Variants in OTULINL observed in about 807,000 individuals in gnomAD.
The protein encoded by OTULINL is OTU deubiquitinase with linear linkage specificity like.
In OTULINL, 42 loss-of-function variants were observed where a neutral mutation model predicts 43.9. The ratio of observed to expected loss-of-function variants is 0.96; its 90% CI spans 0.75 to 1.24. The LOEUF is 1.24. Among genes scored for constraint, OTULINL ranks in the 50% most tolerant of loss-of-function variants. The pLI, the probability that OTULINL is intolerant of heterozygous loss-of-function variation, is 0.00. For missense variants in OTULINL, 411 were observed against 426.4 expected (o/e 0.96, Z 0.32); for synonymous variants, 172 against 153.6 (o/e 1.12, Z -0.88).
chr5:14,602,295 C>G lies in OTULINL; in HGVS notation c.461C>G (p.Ser154Cys), dbSNP rs1759402271. 1 of 1,613,938 alleles carries G rather than the reference C, an allele frequency of 6.2e-7. No individual in the cohort carries two copies. The highest frequency in any genetic ancestry group is 2.2e-5 in the East Asian group (1 of 44,878). ...VLFQIFSQGI[S>C]FPSWMKEKDI... ...TTTCAGATATTCAGCCAGGGCATCTCTTTTCCATCATGGATGAAAGAAAAG... is the reference window on the plus strand; with the variant it reads ...TTTCAGATATTCAGCCAGGGCATCTGTTTTCCATCATGGATGAAAGAAAAG... The change falls in exon 5 of 8, where the codon TCT becomes TGT. Residue 154 changes from serine (S) to cysteine (C), a missense_variant. Physicochemically the swap from Ser to Cys is moderately radical, Grantham distance 112. Coordinates refer to ENST00000274217, the MANE Select transcript of OTULINL (RefSeq NM_019018.3).
At chr5:14,597,172 G>A (rs549828287) in intron 1 of OTULINL, among the ~76,000 whole-genome samples, 5 of 152,228 alleles carry the variant, frequency 3.3e-5, no homozygotes, top group African/African-American at 7.2e-5. Flanking sequence ...ACAATAATTC[G>A]TGTTTATTGG....
chr5:14,582,841 C>T (rs902375925), intron 1 of OTULINL, among the ~76,000 whole-genome samples: 7 of 136,742 alleles, frequency 5.1e-5, no homozygotes, highest in Non-Finnish European at 9.6e-5. Flanking sequence ...AAAAAAAAAT[C>T]ACCCGACAAG....
At chr5:14,586,517 C>G (rs1759103613) in intron 1 of OTULINL, among the ~76,000 whole-genome samples, 1 of 152,184 alleles carries the variant, frequency 6.6e-6, no homozygotes, top group African/African-American at 2.4e-5. Flanking sequence ...AAATGCTATG[C>G]TTGATGAATC....
At chr5:14,597,524 G>C (rs1759308074) in intron 1 of OTULINL, among the ~76,000 whole-genome samples, 2 of 152,236 alleles carry the variant, frequency 1.3e-5, no homozygotes, top group South Asian at 2.1e-4. Context: ...ATTAATTCCT[G>C]TAGAACACTT....
At chr5:14,607,550 A>ATG in intron 6 of OTULINL, 92 bp downstream of exon 6, 1 of 1,490,786 alleles carries the variant, frequency 6.7e-7, no homozygotes, top group Non-Finnish European at 9.1e-7. Context: ...ACATTGCTTC[A>ATG]TGTTAGGAAA....
At chr5:14,609,980 G>A (rs1163639877) in intron 7 of OTULINL, among the ~76,000 whole-genome samples, 161 bp from the exon 8 acceptor site, 1 of 152,094 alleles carries the variant, frequency 6.6e-6, no homozygotes, top group African/African-American at 2.4e-5. Flanking sequence ...TCCACACAAT[G>A]AGCATTTGTT....
intron 5 of OTULINL, among the ~76,000 whole-genome samples, chr5:14,604,778 C>G (rs1330354184): frequency 3.3e-5 from 5 of 152,236 alleles, no homozygotes; most frequent in Non-Finnish European, 7.3e-5. Flanking sequence ...TCGATTCTGT[C>G]TCATATCCAG....
intron 1 of OTULINL, among the ~76,000 whole-genome samples, chr5:14,590,729 G>A (rs1171610756): frequency 6.6e-6 from 1 of 152,194 alleles, no homozygotes; most frequent in Admixed American, 6.5e-5. Flanking sequence ...GCCACTGACT[G>A]TCACTACTAT....
chr5:14,597,118 GT>G (rs1759300794), intron 1 of OTULINL, among the ~76,000 whole-genome samples: 1 of 152,072 alleles, frequency 6.6e-6, no homozygotes, highest in South Asian at 2.1e-4. Context: ...CCCCCTCAAA[GT>G]TTTCTCTGCA....
In OTULINL at chr5:14,613,302, T is replaced by C. The variant is rs566787752; in HGVS notation, c.*2988T>C. Among the ~76,000 whole-genome samples the C allele has an allele frequency of 1.3e-5, 2 of 152,310 alleles. No homozygotes were observed. The highest frequency in any genetic ancestry group is 4.1e-4 in the South Asian group (2 of 4,832). ...TCACCACCATCCACCCTCAGAACTT[T>C]TTAAAATCTCCAAGACTGACTTTTT... On this transcript the variant is annotated 3_prime_UTR_variant, in exon 8 of 8. Transcript: ENST00000274217.
chr5:14,602,185 T>G lies in OTULINL; in HGVS notation c.351T>G (p.Ala117=), dbSNP rs1759399970. 2 of 1,599,674 alleles carry G rather than the reference T, an allele frequency of 1.3e-6. No homozygotes were observed. Among genetic ancestry groups the G allele is most frequent in the Non-Finnish European group, 1.7e-6 (2 of 1,173,772 alleles). The part of the protein sequence containing the change: ...ETPRNKLMRK[A]YEELFWRHHI... ...ACTTTCTCTTTTTATTTTATTAGGC[T>G]TATGAGGAGCTATTTTGGCGGCATC... is the stretch of plus-strand genomic sequence containing the variant. The change falls in exon 5 of 8, where the codon GCT becomes GCG. Residue 117 remains alanine (A), a splice_region_variant and synonymous_variant. Coordinates refer to ENST00000274217, the MANE Select transcript of OTULINL (RefSeq NM_019018.3).
chr5:14,584,989 A>C (rs1425519336), intron 1 of OTULINL, among the ~76,000 whole-genome samples: 1 of 152,194 alleles, frequency 6.6e-6, no homozygotes, highest in Non-Finnish European at 1.5e-5. Flanking sequence ...TTAATAACCC[A>C]GTGATTGGTC....
rs2126781164 is a variant in OTULINL, at chr5:14,602,264, G to T, written c.430G>T (p.Val144Leu). 6.2e-7 allele frequency: 1 copy of T among 1,613,444 alleles called. No homozygotes were observed. Among genetic ancestry groups the T allele is most frequent in the Non-Finnish European group, 8.5e-7 (1 of 1,179,470 alleles). Residue 144 changes from valine (V) to leucine (L), a missense_variant, in exon 5 of 8, where the codon GTG becomes TTG. Physicochemically the swap from Val to Leu is conservative, Grantham distance 32 (BLOSUM62 1). Transcript: ENST00000274217. Reference protein sequence around the residue: ...RRDNYDALRSVLFQIFSQGIS... With the variant: ...RRDNYDALRSLLFQIFSQGIS... Reference sequence around the variant, plus strand: ...AGATAACTATGATGCTCTCAGATCAGTGTTATTTCAGATATTCAGCCAGGG... The same window carrying T: ...AGATAACTATGATGCTCTCAGATCATTGTTATTTCAGATATTCAGCCAGGG...
Position 14,610,486 on chromosome 5 carries a change from C to T in OTULINL, c.*172C>T. On this transcript the variant is annotated 3_prime_UTR_variant, in exon 8 of 8. Transcript: ENST00000274217. ...GCATGGATGGTTTTTCTTTATTTTT[C>T]AGTGATTTCCTCTGAAGCAGCTGCA... 2 of 659,158 alleles carry T rather than the reference C, an allele frequency of 3.0e-6. No individual in the cohort carries two copies. Among genetic ancestry groups the T allele is most frequent in the South Asian group, 4.3e-5 (2 of 46,964 alleles). The allele number at this position is 659,158 out of a possible 1,614,324, so 40.8% of individuals were successfully genotyped here. A position where few individuals can be genotyped will look rare whatever the true frequency, so the allele number is the denominator to read the frequency against.
chr5:14,596,482 C>T (rs956913523), intron 1 of OTULINL, among the ~76,000 whole-genome samples: 8 of 152,152 alleles, frequency 5.3e-5, no homozygotes, highest in South Asian at 2.1e-4. Context: ...TGTCTCATTA[C>T]GGTGTTTTCT....
rs1349931389 is a variant in OTULINL at position 14,581,951 on chromosome 5, C to T, written c.57C>T (p.Pro19=). ...RARERERSGA[P]AAGSDQVHSW... ...GGGAGCGGGAGCGGTCTGGCGCTCC[C>T]GCCGCAGGTGAGCCTGGGGCCGGGC... The change falls in exon 1 of 8, where the codon CCC becomes CCT. Residue 19 remains proline, a synonymous_variant. Coordinates refer to ENST00000274217, the MANE Select transcript of OTULINL (RefSeq NM_019018.3). 2.2e-6 allele frequency: 3 copies of T among 1,358,580 alleles called. No individual in the cohort carries two copies. Among genetic ancestry groups the T allele is most frequent in the East Asian group, 6.4e-5 (2 of 31,178 alleles). The allele number at this position is 1,358,580 out of a possible 1,614,324, so 84.2% of individuals were successfully genotyped here.
Position 14,608,835 on chromosome 5 carries a change from C to G in OTULINL, c.715C>G (p.Leu239Val). 1 of 1,613,942 alleles carries G rather than the reference C, an allele frequency of 6.2e-7. No individual in the cohort carries two copies. The highest frequency in any genetic ancestry group is 8.5e-7 in the Non-Finnish European group (1 of 1,179,872). The change falls in exon 7 of 8, where the codon CTT becomes GTT. Residue 239 changes from leucine to valine, a missense_variant. Physicochemically the swap from Leu to Val is conservative, Grantham distance 32. Coordinates refer to ENST00000274217, the MANE Select transcript of OTULINL (RefSeq NM_019018.3). ...LFSDAILEYK[L>V]YEALKFIMLY... ...TTCAGATGCCATTCTGGAATATAAA[C>G]TTTATGAAGCTTTAAAGTTCATCAT... is the stretch of plus-strand genomic sequence containing the variant.
intron 1 of OTULINL, among the ~76,000 whole-genome samples, chr5:14,589,394 G>A (rs770886783): frequency 6.6e-6 from 1 of 152,136 alleles, no homozygotes. Flanking sequence ...AAGGTAGGGA[G>A]GCAGGCGTGA....
At chr5:14,596,542 T>A (rs1038527310) in intron 1 of OTULINL, among the ~76,000 whole-genome samples, 1 of 151,800 alleles carries the variant, frequency 6.6e-6, no homozygotes, top group African/African-American at 2.4e-5. Context: ...GGAAGGATAA[T>A]TTTTTTTAAA....
Sources: gnomAD v4.1 joint callset for allele counts (sites outside exome capture counted in the v4.1 genomes callset) on GRCh38, gnomAD v4.1.1 for gene constraint, MANE v1.5 for transcripts, NCBI Gene and HGNC (gene_info 2026-07-23, HGNC 2026-07-21) for gene names.